Variants in TRIM33 observed in about 807,000 individuals in gnomAD.
TRIM33 encodes the protein E3 ubiquitin-protein ligase TRIM33.
A neutral mutation model predicts 125.4 loss-of-function variants in TRIM33; 20 were observed. That is an observed-to-expected ratio of 0.16 (90% CI 0.11 to 0.23). TRIM33 has a LOEUF of 0.23. TRIM33 is among the 10% of genes least tolerant of loss of function. TRIM33 has a pLI of 1.00. For missense variants in TRIM33, 920 were observed against 1,411.4 expected (o/e 0.65, Z 5.58); for synonymous variants, 564 against 513.9 (o/e 1.10, Z -1.32).
intron 10 of TRIM33, among the ~76,000 whole-genome samples, chr1:114,422,191 CA>C (rs1647245363): frequency 6.6e-6 from 1 of 152,022 alleles, no homozygotes; most frequent in East Asian, 1.9e-4. Context: ...TCATTTAAGA[CA>C]ATATAGAAGA....
At chr1:114,445,818 C>T (rs1648938710) in intron 4 of TRIM33, among the ~76,000 whole-genome samples, 1 of 151,998 alleles carries the variant, frequency 6.6e-6, no homozygotes, top group Non-Finnish European at 1.5e-5. Context: ...AACTGCCCAC[C>T]CAGAATTCTA....
chr1:114,408,218 C>G (rs1652371654), intron 13 of TRIM33, among the ~76,000 whole-genome samples: 1 of 152,004 alleles, frequency 6.6e-6, no homozygotes, highest in African/African-American at 2.4e-5. Context: ...ATTTTTACAA[C>G]AAATTAACTG....
At chr1:114,496,745 T>C (rs1003920451) in intron 1 of TRIM33, among the ~76,000 whole-genome samples, 4 of 152,226 alleles carry the variant, frequency 2.6e-5, no homozygotes, top group African/African-American at 9.6e-5. Flanking sequence ...CTATCCCTGT[T>C]TGGCTAATGA....
At chr1:114,428,648 C>T (rs1647741559) in intron 6 of TRIM33, among the ~76,000 whole-genome samples, 1 of 152,186 alleles carries the variant, frequency 6.6e-6, no homozygotes, top group Non-Finnish European at 1.5e-5. Context: ...AGGAAAGAAG[C>T]TGTTCATTTT....
Position 114,510,788 on chromosome 1 carries a change from G to T in TRIM33, c.289C>A (p.Pro97Thr). 6.6e-7 allele frequency: 1 copy of T among 1,520,364 alleles called. No homozygotes were observed. Among genetic ancestry groups the T allele is most frequent in the Non-Finnish European group, 8.8e-7 (1 of 1,139,878 alleles). The allele number at this position is 1,520,364 out of a possible 1,614,324, so 94.2% of individuals were successfully genotyped here. ...TGVAGGAVST[P>T]APAPASAPAP... ...GGAGCCGAGGCTGGAGCTGGAGCCG[G>T]CGTCGATACTGCGCCCCCGGCAACT... Residue 97 changes from proline to threonine, a missense_variant, in exon 1 of 20, where the codon CCG becomes ACG. Pro to Thr is a conservative substitution (Grantham distance 38). Around this residue, in one of 8 missense-constraint regions of TRIM33, gnomAD observed 233 missense variants for 189.6 expected, o/e 1.23. Transcript: ENST00000358465.
At chr1:114,458,076 A>T (rs1649730000) in intron 4 of TRIM33, among the ~76,000 whole-genome samples, 1 of 152,204 alleles carries the variant, frequency 6.6e-6, no homozygotes, top group African/African-American at 2.4e-5. Flanking sequence ...ATGTGGGCCA[A>T]CCTAACTATG....
chr1:114,412,993 C>T (rs898188937), intron 11 of TRIM33, among the ~76,000 whole-genome samples: 4 of 152,228 alleles, frequency 2.6e-5, no homozygotes, highest in Admixed American at 2.6e-4. Context: ...AGTTCCTCCA[C>T]ATTCTCACCA....
At chr1:114,427,341 TG>T in intron 7 of TRIM33, 47 bp from the exon 8 acceptor site, 1 of 999,164 alleles carries the variant, frequency 1.0e-6, no homozygotes, top group Admixed American at 2.0e-5. Context: ...AAATATCAAT[TG>T]GGAAATCATA....
intron 7 of TRIM33, among the ~76,000 whole-genome samples, 172 bp from the exon 8 acceptor site, chr1:114,427,466 G>A (rs1414959043): frequency 6.6e-6 from 1 of 152,120 alleles, no homozygotes; most frequent in East Asian, 1.9e-4. Flanking sequence ...TTGAATTTCT[G>A]CCATTTTGGG....
chr1:114,506,165 T>C (rs1652987031), intron 1 of TRIM33, among the ~76,000 whole-genome samples: 1 of 151,856 alleles, frequency 6.6e-6, no homozygotes, highest in Admixed American at 6.6e-5. Flanking sequence ...GTGGATCACA[T>C]GAGGTCAGGA....
In TRIM33 at chr1:114,394,066, T is replaced by C. The variant is rs1651415963; in HGVS notation, c.*3582A>G. ...CAAACTGTATTACACCTTGAAAATC[T>C]TGAGTCACCTTCAGCAGATCATTAA... On this transcript the variant is annotated 3_prime_UTR_variant, in exon 20 of 20. Coordinates refer to ENST00000358465, the MANE Select transcript of TRIM33 (RefSeq NM_015906.4). The C allele has an allele frequency of 4.4e-6, 1 of 227,144 alleles. No homozygotes were observed. The highest frequency in any genetic ancestry group is 2.2e-5 in the African/African-American group (1 of 44,958). The allele number at this position is 227,144 out of a possible 1,614,324, so 14.1% of individuals were successfully genotyped here. A position where few individuals can be genotyped will look rare whatever the true frequency, so the allele number is the denominator to read the frequency against.
At chr1:114,460,120 A>C (rs1649873209) in intron 4 of TRIM33, 1 of 164,966 alleles carries the variant, frequency 6.1e-6, no homozygotes, top group African/African-American at 2.4e-5. Context: ...AGGACACTAT[A>C]AAGGTCAGCA....
chr1:114,510,761 C>A lies in TRIM33; in HGVS notation c.316G>T (p.Ala106Ser). 1 of 1,522,528 alleles carries A rather than the reference C, an allele frequency of 6.6e-7. No homozygotes were observed. Among genetic ancestry groups the A allele is most frequent in the Non-Finnish European group, 8.8e-7 (1 of 1,140,360 alleles). 94.3% of individuals were successfully genotyped at this position (1,522,528 alleles called of 1,614,324 possible). ...TPAPAPASAP[A>S]PGPSAGPPPG... ...GGCGGCCCTGCCGAGGGACCCGGAG[C>A]GGGAGCCGAGGCTGGAGCTGGAGCC... Residue 106 changes from alanine to serine, a missense_variant, in exon 1 of 20, where the codon GCT (alanine) becomes TCT (serine). Ala to Ser is a moderately conservative substitution (Grantham distance 99). Around this residue, in one of 8 missense-constraint regions of TRIM33, gnomAD observed 233 missense variants for 189.6 expected, o/e 1.23. Coordinates refer to ENST00000358465, the MANE Select transcript of TRIM33 (RefSeq NM_015906.4).
At chr1:114,398,113 A>G in intron 18 of TRIM33, 123 bp from the exon 19 acceptor site, 1 of 941,918 alleles carries the variant, frequency 1.1e-6, no homozygotes, top group Non-Finnish European at 1.6e-6. Flanking sequence ...TGCTATAACC[A>G]GATAAAGTGC....
chr1:114,427,625 A>T, intron 7 of TRIM33, 123 bp downstream of exon 7: 1 of 990,682 alleles, frequency 1.0e-6, no homozygotes, highest in Non-Finnish European at 1.4e-6. Flanking sequence ...AGTTTTCTGT[A>T]TCTTGATGTG....
chr1:114,483,905 G>A (rs1362597870), intron 1 of TRIM33, among the ~76,000 whole-genome samples: 1 of 152,140 alleles, frequency 6.6e-6, no homozygotes, highest in Admixed American at 6.5e-5. Context: ...AGTATTAGAA[G>A]AGGAGATGAA....
At chr1:114,502,164 G>A (rs1381099704) in intron 1 of TRIM33, among the ~76,000 whole-genome samples, 1 of 152,106 alleles carries the variant, frequency 6.6e-6, no homozygotes, top group Non-Finnish European at 1.5e-5. Context: ...TTTACTAAAG[G>A]GAGGCTTTTT....
rs1653291047 is a variant in TRIM33 at position 114,421,611 on chromosome 1, G to A, written c.1886C>T (p.Pro629Leu). Residue 629 changes from proline (P) to leucine (L), a missense_variant, in exon 11 of 20, where the codon CCC becomes CTC. Coordinates refer to ENST00000358465, the MANE Select transcript of TRIM33 (RefSeq NM_015906.4). ...RQHSNPGHAG[P>L]FPVVSVHNTT... ...GTTGTGTACCGATACTACGGGAAAG[G>A]GTCCAGCATGCCCTGGGTTTGAGTG... 6.2e-7 allele frequency: 1 copy of A among 1,614,066 alleles called. No homozygotes were observed. Among genetic ancestry groups the A allele is most frequent in the Non-Finnish European group, 8.5e-7 (1 of 1,179,978 alleles).
chr1:114,454,587 G>T (rs1264912988), intron 4 of TRIM33, among the ~76,000 whole-genome samples: 1 of 151,202 alleles, frequency 6.6e-6, no homozygotes, highest in African/African-American at 2.4e-5. Context: ...TCAGGTGTCT[G>T]AAGTGAGAGA....
Sources: allele counts gnomAD v4.1 joint callset (sites outside exome capture counted in the v4.1 genomes callset), GRCh38; gene constraint gnomAD v4.1.1; regional missense constraint gnomAD v4.1.1; transcripts MANE v1.5; gene names NCBI Gene and HGNC (gene_info 2026-07-23, HGNC 2026-07-21).